KLF12: variants seen among roughly 807,000 people sequenced by gnomAD.
The protein encoded by KLF12 is KLF transcription factor 12, also known as Krueppel-like factor 12.
In KLF12, 9 loss-of-function variants were observed where a neutral mutation model predicts 37.8. That is an observed-to-expected ratio of 0.24 (90% CI 0.14 to 0.42). The LOEUF (loss-of-function observed/expected upper bound fraction) is 0.42, where lower values mean the gene tolerates loss of function less well. Among genes scored for constraint, KLF12 ranks in the 10% least tolerant of loss-of-function variants. KLF12 has a pLI of 1.00. For synonymous variants in KLF12, 208 were observed against 202.1 expected, an observed-to-expected ratio of 1.03 and a Z score of -0.25; for missense variants, 411 against 516.0, an observed-to-expected ratio of 0.80 and a Z score of 1.97.
chr13:74,074,509 C>T (rs35386495), intron 1 of KLF12, among the ~76,000 whole-genome samples: 2,679 of 152,276 alleles, frequency 0.018, 41 homozygotes, highest in Middle Eastern at 0.037. Context: ...ATCCCAGGTA[C>T]CAGGTACCAT....
At chr13:73,897,612 C>T (rs1381243389) in intron 3 of KLF12, among the ~76,000 whole-genome samples, 1 of 152,098 alleles carries the variant, frequency 6.6e-6, no homozygotes, top group Non-Finnish European at 1.5e-5. Context: ...TATTTCATAC[C>T]CCAAATTGCT....
At chr13:73,979,574 T>C (rs1238716503) in intron 2 of KLF12, among the ~76,000 whole-genome samples, 3 of 152,012 alleles carry the variant, frequency 2.0e-5, no homozygotes, top group African/African-American at 7.2e-5. Flanking sequence ...CAAAAGGAAA[T>C]GCTTTGGAAA....
chr13:74,210,912 C>T, the KLF12 span, among the ~76,000 whole-genome samples: 3 of 152,142 alleles, frequency 2.0e-5, no homozygotes, highest in East Asian at 1.9e-4. Context: ...CTGGCTTTCA[C>T]ATTTGCTCTT....
intron 3 of KLF12, among the ~76,000 whole-genome samples, chr13:73,893,814 G>A (rs1198285045): frequency 6.6e-6 from 1 of 152,164 alleles, no homozygotes; most frequent in Non-Finnish European, 1.5e-5. Context: ...GTAAGTAGAG[G>A]AAATTTAATG....
chr13:74,061,595 A>G (rs1873594790), intron 1 of KLF12, among the ~76,000 whole-genome samples: 1 of 152,188 alleles, frequency 6.6e-6, no homozygotes, highest in South Asian at 2.1e-4. Context: ...GTGATTAAAA[A>G]CAATCCCAAT....
the KLF12 span, among the ~76,000 whole-genome samples, chr13:74,201,464 C>T: frequency 1.3e-5 from 2 of 152,090 alleles, no homozygotes; most frequent in African/African-American, 2.4e-5. Context: ...GTTTTGTTCT[C>T]CTTGGTTAAG....
At chr13:73,919,382 T>G (rs753295430) in intron 3 of KLF12, among the ~76,000 whole-genome samples, 6 of 152,330 alleles carry the variant, frequency 3.9e-5, no homozygotes, top group Admixed American at 6.5e-5. Flanking sequence ...CTGCCTTTTA[T>G]GATGCTGCTA....
At chr13:73,839,860 G>A (rs1050856840) in intron 4 of KLF12, among the ~76,000 whole-genome samples, 2 of 152,192 alleles carry the variant, frequency 1.3e-5, no homozygotes, top group Admixed American at 1.3e-4. Flanking sequence ...TAATGATGTA[G>A]GATTATTCCT....
At chr13:74,001,299 G>A (rs147144397) in intron 1 of KLF12, among the ~76,000 whole-genome samples, 531 of 152,312 alleles carry the variant, frequency 3.5e-3, no homozygotes, top group Non-Finnish European at 5.7e-3. Context: ...AGCACTACTT[G>A]TAAAATGTAG....
At chr13:73,994,467 C>T (rs964029421) in intron 2 of KLF12, among the ~76,000 whole-genome samples, 2 of 80,888 alleles carry the variant, frequency 2.5e-5, no homozygotes, top group Non-Finnish European at 6.9e-5. Context: ...TTCACAGCGC[C>T]CCCCCCACCA....
At chr13:73,777,514 G>C (rs1028733787) in intron 5 of KLF12, among the ~76,000 whole-genome samples, 4 of 152,086 alleles carry the variant, frequency 2.6e-5, no homozygotes, top group African/African-American at 7.2e-5. Flanking sequence ...TTCAAGACCA[G>C]CCTGACCAAC....
At chr13:73,877,629 T>G (rs1222141419) in intron 3 of KLF12, among the ~76,000 whole-genome samples, 2 of 152,224 alleles carry the variant, frequency 1.3e-5, no homozygotes, top group Non-Finnish European at 2.9e-5. Flanking sequence ...TGGTGTTTTC[T>G]TTGTAAACTG....
At chr13:74,077,972 G>A (rs979635867) in intron 1 of KLF12, among the ~76,000 whole-genome samples, 1 of 152,178 alleles carries the variant, frequency 6.6e-6, no homozygotes, top group African/African-American at 2.4e-5. Flanking sequence ...TGCAGCTGAT[G>A]TAACAAACTG....
At chr13:74,302,608 C>G in the KLF12 span, among the ~76,000 whole-genome samples, 20 of 152,148 alleles carry the variant, frequency 1.3e-4, no homozygotes, top group Non-Finnish European at 2.8e-4. Context: ...GTTGGAGAAA[C>G]TGCTTGTTGG....
chr13:73,891,484 C>T (rs1887505490), intron 3 of KLF12, among the ~76,000 whole-genome samples: 2 of 151,974 alleles, frequency 1.3e-5, no homozygotes, highest in African/African-American at 4.8e-5. Context: ...AACACCTCTG[C>T]CTTAAAAAGA....
chr13:73,839,378 C>T (rs1190064533), intron 4 of KLF12, among the ~76,000 whole-genome samples: 3 of 151,630 alleles, frequency 2.0e-5, no homozygotes, highest in South Asian at 2.1e-4. Flanking sequence ...GCTGGGAATA[C>T]GGGCATGAGC....
intron 3 of KLF12, among the ~76,000 whole-genome samples, chr13:73,872,082 ATGGAAGACGGCCACGTG>A (rs1395205530): frequency 1.3e-5 from 2 of 152,148 alleles, no homozygotes; most frequent in Non-Finnish European, 2.9e-5. Context: ...TTCCTGGAGG[ATGGAAGACGGCCACGTG>A]CTTGGGTCCT....
intron 3 of KLF12, among the ~76,000 whole-genome samples, chr13:73,884,599 A>G (rs1362195809): frequency 6.6e-6 from 1 of 152,232 alleles, no homozygotes; most frequent in African/African-American, 2.4e-5. Context: ...TCCCATCCAC[A>G]GTACTCCCCA....
At chr13:74,261,092 C>T in the KLF12 span, among the ~76,000 whole-genome samples, 5 of 152,022 alleles carry the variant, frequency 3.3e-5, no homozygotes, top group Admixed American at 6.6e-5. Context: ...AGAACTTATC[C>T]GTGTAACCAA....
Sources: allele counts gnomAD v4.1 joint callset (sites outside exome capture counted in the v4.1 genomes callset), GRCh38; gene constraint gnomAD v4.1.1; transcripts MANE v1.5; gene names NCBI Gene and HGNC (gene_info 2026-07-23, HGNC 2026-07-21).